The following PDE6C variants were observed in gnomAD, a reference collection of about 807,000 sequenced individuals.
PDE6C encodes the protein cone cGMP-specific 3',5'-cyclic phosphodiesterase subunit alpha'.
Under a neutral mutation model 113.1 loss-of-function variants are expected in PDE6C, and 75 were observed. That is an observed-to-expected ratio of 0.66 (90% confidence interval 0.55 to 0.80). The LOEUF (loss-of-function observed/expected upper bound fraction) is 0.80. Among genes scored for constraint, PDE6C ranks in the 30% least tolerant of loss-of-function variants. The pLI is 0.00. For missense variants in PDE6C, 912 were observed against 1,038.6 expected (o/e 0.88, Z 1.67); for synonymous variants, 375 against 363.7 (o/e 1.03, Z -0.35).
chr10:93,654,806 C>CT (rs1244035989), intron 15 of PDE6C, among the ~76,000 whole-genome samples: 2 of 82,922 alleles, frequency 2.4e-5, no homozygotes, highest in African/African-American at 4.3e-5. Context: ...TTCTTTCTTT[C>CT]TTTCTTTTTT....
intron 13 of PDE6C, 137 bp from the exon 14 acceptor site, chr10:93,640,783 C>T (rs1417295726): frequency 1.4e-6 from 1 of 714,990 alleles, no homozygotes. Flanking sequence ...ACCCACAGTA[C>T]TACAATACTC....
At chr10:93,635,668 A>G (rs1293692013) in intron 10 of PDE6C, 28 bp downstream of exon 10, 4 of 1,609,608 alleles carry the variant, frequency 2.5e-6, no homozygotes, top group Non-Finnish European at 3.4e-6. Context: ...TCCTGTGGAC[A>G]TAAGATGTTA....
chr10:93,638,922 A>G (rs2058546457), intron 11 of PDE6C, among the ~76,000 whole-genome samples: 2 of 152,322 alleles, frequency 1.3e-5, no homozygotes, highest in South Asian at 4.1e-4. Context: ...GCTATATACC[A>G]TTCGGTGTTG....
intron 5 of PDE6C, 113 bp from the exon 6 acceptor site, chr10:93,626,527 G>A (rs1055674119): frequency 3.7e-5 from 25 of 676,186 alleles, no homozygotes; most frequent in African/African-American, 1.8e-4. Flanking sequence ...ATAATATAAT[G>A]TGGTTGGGAA....
chr10:93,616,652 CTTT>C (rs11418985), intron 1 of PDE6C, among the ~76,000 whole-genome samples: 1 of 118,480 alleles, frequency 8.4e-6, no homozygotes, highest in African/African-American at 3.3e-5. Context: ...GGCAGGAAGA[CTTT>C]TTTTTTTTTT....
chr10:93,616,075 C>T (rs1448368194), intron 1 of PDE6C, among the ~76,000 whole-genome samples: 1 of 152,192 alleles, frequency 6.6e-6, no homozygotes, highest in African/African-American at 2.4e-5. Flanking sequence ...CTGATTAATT[C>T]TTCCTCTTTT....
At chr10:93,662,013 T>G in intron 18 of PDE6C, 46 bp from the exon 19 acceptor site, 1 of 1,144,862 alleles carries the variant, frequency 8.7e-7, no homozygotes, top group East Asian at 2.3e-5. Context: ...ATGCAAGTTC[T>G]CTATTCATAA....
chr10:93,650,414 T>C (rs1457222918), intron 15 of PDE6C, among the ~76,000 whole-genome samples: 1 of 152,108 alleles, frequency 6.6e-6, no homozygotes, highest in East Asian at 1.9e-4. Context: ...ACCTGGCTAA[T>C]GTTTTGTATT....
intron 10 of PDE6C, among the ~76,000 whole-genome samples, chr10:93,636,368 T>TGTG (rs373109205): frequency 0.083 from 11,715 of 141,274 alleles, 658 homozygotes; most frequent in Middle Eastern, 0.14. Flanking sequence ...TTCCCTGGCT[T>TGTG]TGTGTGTGTG....
intron 18 of PDE6C, among the ~76,000 whole-genome samples, chr10:93,660,812 G>A (rs1217696402): frequency 3.9e-5 from 6 of 151,954 alleles, no homozygotes; most frequent in African/African-American, 1.5e-4. Flanking sequence ...AGCCTCGCTA[G>A]TACCTCAGTT....
chr10:93,616,927 A>C (rs1330801524), intron 1 of PDE6C, among the ~76,000 whole-genome samples: 1 of 152,044 alleles, frequency 6.6e-6, no homozygotes, highest in Non-Finnish European at 1.5e-5. Flanking sequence ...GCTGAGAGGA[A>C]GACTTTTAAG....
chr10:93,662,460 CAA>C (rs11364728), intron 19 of PDE6C, 98 bp from the exon 20 acceptor site: 28,033 of 300,044 alleles, frequency 0.093, 31 homozygotes, highest in Middle Eastern at 0.11. Flanking sequence ...GACTCTGCCT[CAA>C]AAAAAAAAAA....
intron 18 of PDE6C, among the ~76,000 whole-genome samples, chr10:93,661,725 C>T (rs186833382): frequency 1.1e-4 from 17 of 152,218 alleles, no homozygotes; most frequent in African/African-American, 4.1e-4. Flanking sequence ...AACAGATAGA[C>T]AGGACAAAGA....
chr10:93,660,553 G>A (rs938470107), intron 18 of PDE6C, among the ~76,000 whole-genome samples: 3 of 152,056 alleles, frequency 2.0e-5, no homozygotes, highest in Admixed American at 1.3e-4. Flanking sequence ...TACTTCAGGG[G>A]AGAAGGTCGG....
chr10:93,662,246 C>T (rs563037507), intron 19 of PDE6C, 113 bp downstream of exon 19: 15 of 761,596 alleles, frequency 2.0e-5, no homozygotes, highest in Admixed American at 5.3e-5. Flanking sequence ...GGGCAGATCA[C>T]GAGGTCAAAA....
intron 1 of PDE6C, among the ~76,000 whole-genome samples, chr10:93,615,352 A>T (rs1167974184): frequency 6.6e-6 from 1 of 152,168 alleles, no homozygotes; most frequent in African/African-American, 2.4e-5. Context: ...GGACTCTCAA[A>T]GATTAGAATT....
chr10:93,616,714 C>T (rs1411970479), intron 1 of PDE6C, among the ~76,000 whole-genome samples: 1 of 134,944 alleles, frequency 7.4e-6, no homozygotes, highest in Non-Finnish European at 1.5e-5. Context: ...AGTGCAATGG[C>T]TTGATCTCGG....
intron 14 of PDE6C, among the ~76,000 whole-genome samples, chr10:93,644,823 T>C (rs1259450080): frequency 6.8e-6 from 1 of 146,902 alleles, no homozygotes; most frequent in Non-Finnish European, 1.5e-5. Flanking sequence ...TATATAGTAC[T>C]ATATATATAC....
At chr10:93,649,411 G>C (rs1431121247) in intron 15 of PDE6C, among the ~76,000 whole-genome samples, 1 of 152,106 alleles carries the variant, frequency 6.6e-6, no homozygotes, top group Non-Finnish European at 1.5e-5. Context: ...TTCTTAAATT[G>C]CTTCAAATCC....
Sources: allele counts gnomAD v4.1 joint callset (sites outside exome capture counted in the v4.1 genomes callset), GRCh38; gene constraint gnomAD v4.1.1; transcripts MANE v1.5; gene names NCBI Gene and HGNC (gene_info 2026-07-23, HGNC 2026-07-21).